HIBCH: variants seen among roughly 807,000 people sequenced by gnomAD.
The protein encoded by HIBCH is 3-hydroxyisobutyryl-CoA hydrolase.
A neutral mutation model predicts 58.2 loss-of-function variants in HIBCH; 50 were observed. The ratio of observed to expected loss-of-function variants is 0.86; its 90% CI spans 0.68 to 1.09. The LOEUF is 1.09. Ranked by LOEUF, HIBCH falls within the 50% of genes least tolerant of loss-of-function variation. HIBCH has a pLI of 0.00. For synonymous variants in HIBCH, 151 were observed against 146.9 expected (o/e 1.03, Z -0.20); for missense variants, 450 against 449.7 (o/e 1.00, Z -0.01).
rs1372229080 is a variant in HIBCH at position 190,304,294 on chromosome 2, T to C, written c.78+6460A>G. ...AGGAATTTATTCTTTTCCTTAGTTATGGAGGCTGATGTCCAAAGTCAAAAG... is the reference window on the plus strand; with the variant it reads ...AGGAATTTATTCTTTTCCTTAGTTACGGAGGCTGATGTCCAAAGTCAAAAG... On this transcript the variant is annotated intron_variant, in intron 2 of 13. Transcript: ENST00000359678. This position sits in a 1 kb window ranked among gnomAD's most constrained non-coding sequence, Gnocchi z 4.1. 2.0e-5 allele frequency among the ~76,000 whole-genome samples: 3 copies of C among 151,686 alleles called. No individual in the cohort carries two copies. Among genetic ancestry groups the C allele is most frequent in the Non-Finnish European group, 4.4e-5 (3 of 67,964 alleles).
At chr2:190,314,031 C>G (rs1006058201) in intron 1 of HIBCH, among the ~76,000 whole-genome samples, 1 of 151,726 alleles carries the variant, frequency 6.6e-6, no homozygotes, top group African/African-American at 2.4e-5. Flanking sequence ...AGGCCAGTAC[C>G]CAAATGTAGG....
At chr2:190,252,901 A>G (rs1414569162) in intron 7 of HIBCH, among the ~76,000 whole-genome samples, 1 of 152,152 alleles carries the variant, frequency 6.6e-6, no homozygotes, top group Admixed American at 6.5e-5. Context: ...TGAAAATAGC[A>G]TATAAGGCTA....
At chr2:190,200,971 A>ATCTC (rs1406391061), downstream of HIBCH, 6 of 166,978 alleles carry the variant, frequency 3.6e-5, no homozygotes, top group African/African-American at 1.4e-4. Flanking sequence ...AAGCTTTACT[A>ATCTC]TCTCAGAGGT....
In HIBCH at chr2:190,235,516, T is replaced by C. The variant is rs189615074; in HGVS notation, c.891+9371A>G. The stretch of plus-strand genomic sequence containing the variant: ...TAAATATATGATTTCTGTATTTTTC[T>C]GTATGTTACAATTTAAAAACATGAG... On this transcript the variant is annotated intron_variant, in intron 11 of 13. Transcript: ENST00000359678. 5.4e-4 allele frequency among the ~76,000 whole-genome samples: 82 copies of C among 152,340 alleles called. 1 individual carries two copies. The East Asian group carries it at 0.015, about 28-fold the overall frequency.
rs945476986 is a variant in HIBCH at position 190,300,559 on chromosome 2, T to C, written c.79-3606A>G. 2.0e-5 allele frequency among the ~76,000 whole-genome samples: 3 copies of C among 152,274 alleles called. No homozygotes were observed. The South Asian group carries it at 6.2e-4, about 32-fold the overall frequency. ...TAAGTTTCTTATAGATGCTGGATAT[T>C]GGACCTTTGTCAGATGCATAGTTTG... On this transcript the variant is annotated intron_variant, in intron 2 of 13. Coordinates refer to ENST00000359678, the MANE Select transcript of HIBCH (RefSeq NM_014362.4).
chr2:190,264,967 AC>A (rs1687191604), intron 6 of HIBCH, among the ~76,000 whole-genome samples: 1 of 151,920 alleles, frequency 6.6e-6, no homozygotes, highest in African/African-American at 2.4e-5. Flanking sequence ...TACTAAAACA[AC>A]AAAAATTAGC....
In HIBCH at chr2:190,254,529, G is replaced by A. The variant is rs1184200702; in HGVS notation, c.518-2222C>T. ...TGCGAAATCACTCATGCCTTCTCCCGTGAACACTGAACTCTTAGATCTGCC... is the reference window on the plus strand; with the variant it reads ...TGCGAAATCACTCATGCCTTCTCCCATGAACACTGAACTCTTAGATCTGCC... On this transcript the variant is annotated intron_variant, in intron 7 of 13. Coordinates refer to ENST00000359678, the MANE Select transcript of HIBCH (RefSeq NM_014362.4). The surrounding 1 kb of genome is among the most constrained non-coding windows in gnomAD (Gnocchi z 5.0). Among the ~76,000 whole-genome samples, 5 of 152,132 alleles carry A rather than the reference G, an allele frequency of 3.3e-5. No individual in the cohort carries two copies. Among genetic ancestry groups the A allele is most frequent in the South Asian group, 2.1e-4 (1 of 4,828 alleles).
intron 7 of HIBCH, among the ~76,000 whole-genome samples, chr2:190,252,821 C>A (rs1178437393): frequency 6.6e-6 from 1 of 152,108 alleles, no homozygotes; most frequent in African/African-American, 2.4e-5. Flanking sequence ...CAGGTTTATA[C>A]CTAATAAAAT....
At chr2:190,272,843 A>C (rs1687438975) in intron 6 of HIBCH, among the ~76,000 whole-genome samples, 1 of 152,108 alleles carries the variant, frequency 6.6e-6, no homozygotes, top group African/African-American at 2.4e-5. Flanking sequence ...CCCTGGGCTA[A>C]AGGGTAGATG....
In HIBCH at chr2:190,226,980, TATC is replaced by T. The variant is rs746969652; in HGVS notation, c.892-13908_892-13906del. 7.2e-5 allele frequency among the ~76,000 whole-genome samples: 11 copies of T among 152,218 alleles called. No individual in the cohort carries two copies. In the East Asian group the frequency reaches 1.9e-3, roughly 27 times the overall value. ...CATGCTCATGGATGGGAAGAATCAA[TATC>T]ATGAAAATGGCCATACTGCCCAAGG... On this transcript the variant is annotated intron_variant, in intron 11 of 13. Transcript: ENST00000359678.
intron 1 of HIBCH, among the ~76,000 whole-genome samples, chr2:190,318,180 C>T (rs1443658929): frequency 1.3e-5 from 2 of 151,174 alleles, no homozygotes; most frequent in Non-Finnish European, 2.9e-5. Context: ...GGGTTGTGAC[C>T]AGCATTAGAG....
intron 9 of HIBCH, among the ~76,000 whole-genome samples, chr2:190,246,885 G>C (rs536999461): frequency 6.6e-6 from 1 of 152,248 alleles, no homozygotes; most frequent in African/African-American, 2.4e-5. Flanking sequence ...GTATAAGAGG[G>C]TTCTGCAGGC....
At position 190,206,949 on chromosome 2, in the gene HIBCH, C is replaced by A. The variant is rs958949681; in HGVS notation, c.1046-1717G>T. ...GACCATCCTGGCTAACACTGTGAAA[C>A]CCCGTCTCTACTAAAAATACAAAAA... is the stretch of plus-strand genomic sequence containing the variant. On this transcript the variant is annotated intron_variant, in intron 13 of 13. Coordinates refer to ENST00000359678, the MANE Select transcript of HIBCH (RefSeq NM_014362.4). This position sits in a 1 kb window ranked among gnomAD's most constrained non-coding sequence, Gnocchi z 5.1. Among the ~76,000 whole-genome samples, 3 of 152,058 alleles carry A rather than the reference C, an allele frequency of 2.0e-5. No homozygotes were observed. Among genetic ancestry groups the A allele is most frequent in the Non-Finnish European group, 4.4e-5 (3 of 68,020 alleles).
In HIBCH at chr2:190,304,203, GTTAA is replaced by G. The variant is rs1688342899; in HGVS notation, c.78+6547_78+6550del. 1.3e-5 allele frequency among the ~76,000 whole-genome samples: 2 copies of G among 149,840 alleles called. No individual in the cohort carries two copies. Among genetic ancestry groups the G allele is most frequent in the Non-Finnish European group, 3.0e-5 (2 of 67,656 alleles). ...TAACAGTAATATACAAATTGCCTTA[GTTAA>G]GTTTCTGTTGCTCACACCAGAATAC... On this transcript the variant is annotated intron_variant, in intron 2 of 13. Coordinates refer to ENST00000359678, the MANE Select transcript of HIBCH (RefSeq NM_014362.4). This position sits in a 1 kb window ranked among gnomAD's most constrained non-coding sequence, Gnocchi z 4.1.
At chr2:190,200,866 G>A (rs931806994), downstream of HIBCH, 1 of 167,022 alleles carries the variant, frequency 6.0e-6, no homozygotes, top group African/African-American at 2.4e-5. Flanking sequence ...AAGAAAACAA[G>A]TAGGGGTACC....
In HIBCH at chr2:190,254,250, C is replaced by T. The variant is rs536487174; in HGVS notation, c.518-1943G>A. Among the ~76,000 whole-genome samples, 1 of 152,100 alleles carries T rather than the reference C, an allele frequency of 6.6e-6. No homozygotes were observed. The highest frequency in any genetic ancestry group is 1.9e-4 in the East Asian group (1 of 5,180). On this transcript the variant is annotated intron_variant, in intron 7 of 13. Transcript: ENST00000359678. This position sits in a 1 kb window ranked among gnomAD's most constrained non-coding sequence, Gnocchi z 5.0. ...TAAGTGAGGTCATAAGGGTGGGGTC[C>T]TAATCCAACAGGACTGGTGTCCTTA...
downstream of HIBCH, chr2:190,201,088 A>G (rs1050985641): frequency 9.0e-5 from 15 of 167,198 alleles, no homozygotes; most frequent in African/African-American, 3.4e-4. Context: ...GTTGTATTGC[A>G]AAACGGAAAA....
chr2:190,233,302 G>T (rs1686166293), intron 11 of HIBCH, among the ~76,000 whole-genome samples: 1 of 152,084 alleles, frequency 6.6e-6, no homozygotes, highest in Non-Finnish European at 1.5e-5. Context: ...AAAAGAAGAT[G>T]ATATGGTTTG....
At chr2:190,226,550 G>A (rs1575705702) in intron 11 of HIBCH, among the ~76,000 whole-genome samples, 1 of 136,270 alleles carries the variant, frequency 7.3e-6, no homozygotes, top group African/African-American at 2.7e-5. Flanking sequence ...AGCCGAGATT[G>A]TGCCACCGCA....
Sources: gnomAD v4.1 joint callset for allele counts (sites outside exome capture counted in the v4.1 genomes callset) on GRCh38, gnomAD v4.1.1 for gene constraint, Gnocchi (gnomAD v3.1) non-coding constraint, MANE v1.5 for transcripts, NCBI Gene and HGNC (gene_info 2026-07-23, HGNC 2026-07-21) for gene names.